The following PRTG variants were observed in gnomAD, a reference collection of about 807,000 sequenced individuals.
PRTG encodes protogenin.
A neutral mutation model predicts 122.5 loss-of-function variants in PRTG; 67 were observed. That is an observed-to-expected ratio of 0.55 (90% CI 0.45 to 0.67). PRTG has a LOEUF of 0.67. Among genes scored for constraint, PRTG ranks in the 30% least tolerant of loss-of-function variants. The pLI is 0.00. For missense variants in PRTG, 1,435 were observed against 1,415.4 expected (o/e 1.01, Z -0.22); for synonymous variants, 554 against 501.1 (o/e 1.11, Z -1.41).
chr15:55,691,160 G>GT (rs1380168190), intron 2 of PRTG, among the ~76,000 whole-genome samples: 1 of 152,024 alleles, frequency 6.6e-6, no homozygotes. Flanking sequence ...GCTGGGTGTG[G>GT]TGGCAGGTGC....
chr15:55,634,589 C>G (rs1221569853), intron 15 of PRTG, among the ~76,000 whole-genome samples: 1 of 152,010 alleles, frequency 6.6e-6, no homozygotes, highest in Non-Finnish European at 1.5e-5. Context: ...GCCTGTAATC[C>G]TAGCACTTTG....
chr15:55,723,391 C>CT (rs2030901848), intron 2 of PRTG, among the ~76,000 whole-genome samples: 1 of 124,768 alleles, frequency 8.0e-6, no homozygotes, highest in Admixed American at 8.3e-5. Context: ...CTATAATGAT[C>CT]TAAAAAAAAA....
At chr15:55,727,241 GAACAA>G (rs2031067526) in intron 2 of PRTG, among the ~76,000 whole-genome samples, 1 of 150,710 alleles carries the variant, frequency 6.6e-6, no homozygotes. Flanking sequence ...TTGAATAGAT[GAACAA>G]AACTAACAAA....
Position 55,683,813 on chromosome 15 carries a change from C to T in PRTG, c.516G>A (p.Arg172=), listed in dbSNP as rs761906258. ...TGTCCATAGTCATAGGTAGAGTTGT[C>T]CGATTGAACTCCCATGTTATGACTG... The part of the protein sequence containing the change: ...PPAVITWEFN[R]TTLPMTMDRI... Residue 172 remains arginine, a synonymous_variant, in exon 3 of 20, where the codon CGG becomes CGA. Coordinates refer to ENST00000389286, the MANE Select transcript of PRTG (RefSeq NM_173814.6). 27 of 1,613,766 alleles carry T rather than the reference C, an allele frequency of 1.7e-5. No individual in the cohort carries two copies. The highest frequency in any genetic ancestry group is 2.2e-5 in the Non-Finnish European group (26 of 1,179,820).
At chr15:55,660,940 G>A (rs1385444861) in intron 11 of PRTG, among the ~76,000 whole-genome samples, 2 of 152,032 alleles carry the variant, frequency 1.3e-5, no homozygotes, top group Admixed American at 6.6e-5. Flanking sequence ...AATTTGATGC[G>A]CCATTTGGAG....
chr15:55,700,032 T>A (rs1367344819), intron 2 of PRTG, among the ~76,000 whole-genome samples: 3 of 152,210 alleles, frequency 2.0e-5, no homozygotes, highest in Admixed American at 6.5e-5. Context: ...CACTGTCTGA[T>A]TTCAAGAATT....
In PRTG at chr15:55,740,481, C is replaced by T. The variant is rs2031573557; in HGVS notation, c.298G>A (p.Gly100Ser). 6.2e-7 allele frequency: 1 copy of T among 1,614,180 alleles called. No individual in the cohort carries two copies. The highest frequency in any genetic ancestry group is 2.2e-5 in the East Asian group (1 of 44,888). Residue 100 changes from glycine (G) to serine (S), a missense_variant, in exon 2 of 20, where the codon GGC becomes AGC. Gly to Ser is a moderately conservative substitution (Grantham distance 56). Coordinates refer to ENST00000389286, the MANE Select transcript of PRTG (RefSeq NM_173814.6). ...TCATCGGACTGCTCTCCTCGCCTGC[C>T]TTCCACCTCACTGATGTATAAAGAG... ...NGSLYISEVE[G>S]RRGEQSDEGF...
chr15:55,638,741 G>C lies in PRTG; in HGVS notation c.2325-65C>G, dbSNP rs996052979. 20 of 1,430,308 alleles carry C rather than the reference G, an allele frequency of 1.4e-5. No homozygotes were observed. The African/African-American group carries it at 2.6e-4, about 19-fold the overall frequency. The allele number at this position is 1,430,308 out of a possible 1,614,324, so 88.6% of individuals were successfully genotyped here. On this transcript the variant is annotated intron_variant, in intron 13 of 19. Transcript: ENST00000389286. ...TAATATTGTTTGTAAAAGAATGTCAGCATTTCCAAATAGGTAAGGGCATAA... is the reference window on the plus strand; with the variant it reads ...TAATATTGTTTGTAAAAGAATGTCACCATTTCCAAATAGGTAAGGGCATAA...
intron 2 of PRTG, among the ~76,000 whole-genome samples, chr15:55,725,644 G>A (rs2031003784): frequency 6.6e-6 from 1 of 152,020 alleles, no homozygotes; most frequent in Admixed American, 6.6e-5. Context: ...CAGCAAAATG[G>A]CAGAAGTCCT....
chr15:55,703,439 C>A (rs112019060), intron 2 of PRTG, among the ~76,000 whole-genome samples: 2 of 152,192 alleles, frequency 1.3e-5, no homozygotes, highest in African/African-American at 4.8e-5. Context: ...TAGGGCTTGA[C>A]AGGCAACTAG....
At chr15:55,629,723 T>A (rs2141719463) in intron 15 of PRTG, among the ~76,000 whole-genome samples, 1 of 152,134 alleles carries the variant, frequency 6.6e-6, no homozygotes, top group Non-Finnish European at 1.5e-5. Context: ...TTGGGAGTGT[T>A]TATGGTAATA....
rs373066085 is a variant in PRTG, at chr15:55,714,918, CAG to C, written c.397+25462_397+25463del. Reference sequence around the variant, plus strand: ...TTCAGAGAGTTCTTTAACATCTTAGCAGAGTTTTATATACAGCTCTTTACAGA... The same window carrying C: ...TTCAGAGAGTTCTTTAACATCTTAGCAGTTTTATATACAGCTCTTTACAGA... On this transcript the variant is annotated intron_variant, in intron 2 of 19. Transcript: ENST00000389286. Among the ~76,000 whole-genome samples, 506 of 152,268 alleles carry C rather than the reference CAG, an allele frequency of 3.3e-3. 3 individuals are homozygous for C. Among genetic ancestry groups the C allele is most frequent in the African/African-American group, 0.012 (480 of 41,564 alleles).
intron 2 of PRTG, among the ~76,000 whole-genome samples, chr15:55,708,665 A>G (rs1432049537): frequency 6.6e-6 from 1 of 152,132 alleles, no homozygotes; most frequent in Admixed American, 6.6e-5. Flanking sequence ...CTGCTGTACT[A>G]ATCATTGCTA....
chr15:55,668,368 T>C (rs889778226), intron 11 of PRTG, among the ~76,000 whole-genome samples: 1 of 152,174 alleles, frequency 6.6e-6, no homozygotes, highest in Non-Finnish European at 1.5e-5. Flanking sequence ...TCCTTTGTAA[T>C]TATAAGCTAA....
At chr15:55,637,482 T>A in intron 14 of PRTG, 142 bp from the exon 15 acceptor site, 1 of 557,624 alleles carries the variant, frequency 1.8e-6, no homozygotes, top group Non-Finnish European at 2.9e-6. Context: ...TCATTAGTGA[T>A]AATACTAAAG....
In PRTG at chr15:55,637,164, A is replaced by G; in HGVS notation, c.2623+6T>C. 1 of 1,532,182 alleles carries G rather than the reference A, an allele frequency of 6.5e-7. No homozygotes were observed. Among genetic ancestry groups the G allele is most frequent in the Non-Finnish European group, 8.8e-7 (1 of 1,137,026 alleles). The allele number at this position is 1,532,182 out of a possible 1,614,324, so 94.9% of individuals were successfully genotyped here. A position where few individuals can be genotyped will look rare whatever the true frequency, so the allele number is the denominator to read the frequency against. On this transcript the variant is annotated splice_donor_region_variant and intron_variant, in intron 15 of 19. Coordinates refer to ENST00000389286, the MANE Select transcript of PRTG (RefSeq NM_173814.6). ...TTCACCCTTCATGGCAATTTATGAT[A>G]TTTACCTTCACGGTGTAAGACCTGC...
At position 55,628,400 on chromosome 15, in the gene PRTG, A is replaced by C. The variant is rs943672868; in HGVS notation, c.2806+422T>G. On this transcript the variant is annotated intron_variant, in intron 16 of 19. Transcript: ENST00000389286. ...AGACAGAGAGGGAAAAAAAAAAAAAAAACTTTCTCTCCAGAAAAGCTGTTT... is the reference window on the plus strand; with the variant it reads ...AGACAGAGAGGGAAAAAAAAAAAAACAACTTTCTCTCCAGAAAAGCTGTTT... 8.5e-5 allele frequency among the ~76,000 whole-genome samples: 13 copies of C among 152,098 alleles called. No homozygotes were observed. The South Asian group carries it at 2.1e-3, about 24-fold the overall frequency.
At position 55,620,083 on chromosome 15, in the gene PRTG, G is replaced by A. The variant is rs1020430872; in HGVS notation, c.3382C>T (p.Arg1128Trp). ...TCATCGTTGGACTCATGAGAAAACC[G>A]CCCAGAATCCCCAGTCTCATGGCTG... ...EGSHETGDSG[R>W]FSHESNDEIH... Residue 1128 changes from arginine (R) to tryptophan (W), a missense_variant, in exon 20 of 20, where the codon CGG becomes TGG. Transcript: ENST00000389286. 1.9e-6 allele frequency: 3 copies of A among 1,614,140 alleles called. No homozygotes were observed. The highest frequency in any genetic ancestry group is 1.7e-5 in the Admixed American group (1 of 60,004).
In PRTG at chr15:55,619,778, T is replaced by C. The variant is rs878946196; in HGVS notation, c.*234A>G. The C allele has an allele frequency of 6.8e-6, 4 of 587,930 alleles. No individual in the cohort carries two copies. The highest frequency in any genetic ancestry group is 6.0e-5 in the East Asian group (2 of 33,326). 36.4% of individuals were successfully genotyped at this position (587,930 alleles called of 1,614,324 possible). A position where few individuals can be genotyped will look rare whatever the true frequency, so the allele number is the denominator to read the frequency against. The stretch of plus-strand genomic sequence containing the variant: ...AAAGCTAAAATACCCCATAAAGATA[T>C]TAAGATTTTCACAAAAGGCTTTGGT... On this transcript the variant is annotated 3_prime_UTR_variant, in exon 20 of 20. Coordinates refer to ENST00000389286, the MANE Select transcript of PRTG (RefSeq NM_173814.6).
Sources: gnomAD v4.1 joint callset for allele counts (sites outside exome capture counted in the v4.1 genomes callset) on GRCh38, gnomAD v4.1.1 for gene constraint, MANE v1.5 for transcripts, NCBI Gene and HGNC (gene_info 2026-07-23, HGNC 2026-07-21) for gene names.